The following NDRG3 variants were observed in gnomAD, a reference collection of about 807,000 sequenced individuals.
NDRG3 encodes protein NDRG3.
Under a neutral mutation model 57.2 loss-of-function variants are expected in NDRG3, and 23 were observed. The observed-to-expected ratio is 0.40, with a 90% CI of 0.29 to 0.57. The LOEUF (loss-of-function observed/expected upper bound fraction) is 0.57, where lower values mean the gene tolerates loss of function less well. NDRG3 is among the 20% of genes least tolerant of loss of function. NDRG3 has a pLI of 0.42. For missense variants in NDRG3, 384 were observed against 457.3 expected (o/e 0.84, Z 1.46); for synonymous variants, 132 against 162.6 (o/e 0.81, Z 1.43).
intron 1 of NDRG3, 97 bp from the exon 2 acceptor site, chr20:36,721,880 C>T (rs1984615653): frequency 8.1e-6 from 5 of 613,638 alleles, no homozygotes; most frequent in Middle Eastern, 3.8e-4. Flanking sequence ...ATGAGACTTA[C>T]TCTGTGCCAT....
In NDRG3 at chr20:36,666,284, T is replaced by C. The variant is rs1568626287; in HGVS notation, c.692+5A>G. 6.2e-7 allele frequency: 1 copy of C among 1,605,716 alleles called. No individual in the cohort carries two copies. The highest frequency in any genetic ancestry group is 1.1e-5 in the South Asian group (1 of 90,940). On this transcript the variant is annotated splice_donor_5th_base_variant and intron_variant, in intron 10 of 15. Coordinates refer to ENST00000349004, the MANE Select transcript of NDRG3 (RefSeq NM_032013.4). ...TTTAAGTGAAGAAACAGGAAAAAAC[T>C]ATACCCATTGTAGGAATTCAAGAAG...
chr20:36,739,059 C>T (rs1274021007), intron 1 of NDRG3, among the ~76,000 whole-genome samples: 2 of 137,678 alleles, frequency 1.5e-5, no homozygotes, highest in Non-Finnish European at 3.1e-5. Flanking sequence ...GGCTTGAACT[C>T]GGGAGGCAGA....
intron 8 of NDRG3, among the ~76,000 whole-genome samples, chr20:36,675,623 T>A (rs1980620695): frequency 6.6e-6 from 1 of 151,972 alleles, no homozygotes; most frequent in African/African-American, 2.4e-5. Context: ...CGACTTCAGG[T>A]GATATGCCCA....
At chr20:36,685,821 C>A (rs560346154) in intron 5 of NDRG3, among the ~76,000 whole-genome samples, 362 of 152,220 alleles carry the variant, frequency 2.4e-3, no homozygotes, top group African/African-American at 8.5e-3. Flanking sequence ...CCAGCCTGAG[C>A]AACAGGGCAA....
In NDRG3 at chr20:36,740,132, T is replaced by G. The variant is rs187823424; in HGVS notation, c.-49+5913A>C. ...CTGTACTTAGAAAATTAATCTTCAT[T>G]TACTATATTAAATCTCTAGGGAAGA... On this transcript the variant is annotated intron_variant, in intron 1 of 15. Transcript: ENST00000349004. Among the ~76,000 whole-genome samples the G allele has an allele frequency of 2.0e-5, 3 of 152,266 alleles. No homozygotes were observed. In the East Asian group the frequency reaches 5.8e-4, roughly 29 times the overall value.
intron 9 of NDRG3, 93 bp from the exon 10 acceptor site, chr20:36,666,485 C>T (rs1017672795): frequency 4.5e-6 from 4 of 886,616 alleles, no homozygotes; most frequent in African/African-American, 1.6e-5. Context: ...CAAGCCAAAT[C>T]GTGCGGCTCA....
intron 12 of NDRG3, among the ~76,000 whole-genome samples, chr20:36,663,970 C>T (rs985093034): frequency 1.3e-5 from 2 of 151,908 alleles, no homozygotes; most frequent in Admixed American, 6.6e-5. Flanking sequence ...GCCACTACAC[C>T]CGGCTAATTT....
intron 3 of NDRG3, among the ~76,000 whole-genome samples, chr20:36,698,684 T>C (rs374946278): frequency 1.3e-5 from 2 of 152,036 alleles, no homozygotes; most frequent in African/African-American, 4.8e-5. Flanking sequence ...ACCTTCTCTA[T>C]AATGTCAAAA....
chr20:36,724,663 C>T lies in NDRG3; in HGVS notation c.-48-2880G>A, dbSNP rs558143069. 3.9e-5 allele frequency among the ~76,000 whole-genome samples: 6 copies of T among 152,276 alleles called. No homozygotes were observed. In the East Asian group the frequency reaches 1.2e-3, roughly 29 times the overall value. On this transcript the variant is annotated intron_variant, in intron 1 of 15. Transcript: ENST00000349004. The stretch of plus-strand genomic sequence containing the variant: ...CGTTTTCCGGCCGGGCCCGGTGGCT[C>T]GCACCTGTAATCCCAGCACTTTGGG...
intron 1 of NDRG3, among the ~76,000 whole-genome samples, chr20:36,741,596 G>A (rs1365464416): frequency 1.3e-5 from 2 of 152,248 alleles, no homozygotes; most frequent in Admixed American, 6.5e-5. Flanking sequence ...CAGAAGTGAG[G>A]ACCATTAGAG....
Position 36,665,295 on chromosome 20 carries a change from T to A in NDRG3, c.699A>T (p.Arg233Ser), listed in dbSNP as rs763827238. Residue 233 changes from arginine to serine, a missense_variant, in exon 11 of 16, where the codon AGA becomes AGT. Arg to Ser is a moderately radical substitution (Grantham distance 110). Transcript: ENST00000349004. ...GTATGGGTCTTTCGATCTCCAGGTC[T>A]CTGCGTCTAGAAAAACAAAGCAGAA... is the stretch of plus-strand genomic sequence containing the variant. ...QLFLNSYNGRRDLEIERPILG... is the reference protein window; with the variant it reads ...QLFLNSYNGRSDLEIERPILG... The A allele has an allele frequency of 1.2e-6, 2 of 1,614,182 alleles. No individual in the cohort carries two copies. The highest frequency in any genetic ancestry group is 1.7e-6 in the Non-Finnish European group (2 of 1,179,986).
chr20:36,701,864 A>T (rs1225195934), intron 3 of NDRG3, among the ~76,000 whole-genome samples: 1 of 127,514 alleles, frequency 7.8e-6, no homozygotes, highest in Non-Finnish European at 1.7e-5. Context: ...CTGCATCTTT[A>T]AAAAAAAAAA....
chr20:36,733,402 G>C (rs1275258), intron 1 of NDRG3, among the ~76,000 whole-genome samples: 2,530 of 151,806 alleles, frequency 0.017, 61 homozygotes, highest in African/African-American at 0.058. Context: ...CTTTGATTTT[G>C]GCAAGATTGC....
At position 36,653,326 on chromosome 20, in the gene NDRG3, G is replaced by A. The variant is rs1978367413; in HGVS notation, c.*194C>T. On this transcript the variant is annotated 3_prime_UTR_variant, in exon 16 of 16. Coordinates refer to ENST00000349004, the MANE Select transcript of NDRG3 (RefSeq NM_032013.4). This position sits in a 1 kb window ranked among gnomAD's most constrained non-coding sequence, Gnocchi z 4.2. ...ATGTTGGAATGTTACAGTATGGCAT[G>A]GAAGTGGTTCTTGGGCTATACAAAA... 1.8e-6 allele frequency: 1 copy of A among 549,824 alleles called. No individual in the cohort carries two copies. Among genetic ancestry groups the A allele is most frequent in the African/African-American group, 1.9e-5 (1 of 53,112 alleles). The allele number at this position is 549,824 out of a possible 1,614,324, so 34.1% of individuals were successfully genotyped here. A position where few individuals can be genotyped will look rare whatever the true frequency, so the allele number is the denominator to read the frequency against.
chr20:36,742,462 A>G (rs1985968770), intron 1 of NDRG3, among the ~76,000 whole-genome samples: 1 of 152,164 alleles, frequency 6.6e-6, no homozygotes, highest in South Asian at 2.1e-4. Flanking sequence ...CTTTCTTAAT[A>G]GTGCTTGAAA....
At chr20:36,744,919 C>A (rs1986108483) in intron 1 of NDRG3, among the ~76,000 whole-genome samples, 1 of 140,796 alleles carries the variant, frequency 7.1e-6, no homozygotes, top group Non-Finnish European at 1.5e-5. Context: ...CAGTCCTGCT[C>A]TCTTGGCAGG....
chr20:36,687,731 G>T, intron 4 of NDRG3, 119 bp from the exon 5 acceptor site: 1 of 1,193,128 alleles, frequency 8.4e-7, no homozygotes, highest in Non-Finnish European at 1.2e-6. Flanking sequence ...TTCCACCAAA[G>T]TGAGGTGTCT....
chr20:36,684,520 T>TCCCTCTCCCTCTCCCTCTCCCTCTCCC, intron 5 of NDRG3, 45 bp from the exon 6 acceptor site: 1 of 1,529,766 alleles, frequency 6.5e-7, no homozygotes, highest in Non-Finnish European at 9.1e-7. Context: ...GCACTCACAA[T>TCCCTCTCCCTCTCCCTCTCCCTCTCCC]TCCCAGTTGC....
At chr20:36,691,300 T>A (rs1982247668) in intron 3 of NDRG3, among the ~76,000 whole-genome samples, 1 of 152,206 alleles carries the variant, frequency 6.6e-6, no homozygotes, top group African/African-American at 2.4e-5. Flanking sequence ...TCAAACCATG[T>A]GTGACTCAAT....
Sources: gnomAD v4.1 joint callset for allele counts (sites outside exome capture counted in the v4.1 genomes callset) on GRCh38, gnomAD v4.1.1 for gene constraint, Gnocchi (gnomAD v3.1) non-coding constraint, MANE v1.5 for transcripts, NCBI Gene and HGNC (gene_info 2026-07-23, HGNC 2026-07-21) for gene names.